The following PTPRT variants were observed in gnomAD, a reference collection of about 807,000 sequenced individuals.
PTPRT encodes the protein receptor-type tyrosine-protein phosphatase T.
PTPRT carries 56 observed loss-of-function variants against 176.8 expected under a neutral mutation model. The ratio of observed to expected loss-of-function variants is 0.32; its 90% CI spans 0.26 to 0.40. The LOEUF is 0.40. Among genes scored for constraint, PTPRT ranks in the 10% least tolerant of loss-of-function variants. The pLI is 1.00. For missense variants in PTPRT, 1,540 were observed against 1,908.2 expected (o/e 0.81, Z 3.60); for synonymous variants, 783 against 739.0 (o/e 1.06, Z -0.96).
intron 6 of PTPRT, among the ~76,000 whole-genome samples, chr20:42,690,716 G>C (rs952012454): frequency 1.3e-5 from 2 of 152,180 alleles, no homozygotes; most frequent in South Asian, 2.1e-4. Context: ...ACAAAGGGAA[G>C]TGAGGTGTAC....
intron 2 of PTPRT, among the ~76,000 whole-genome samples, chr20:42,814,078 G>T (rs1490811724): frequency 6.6e-6 from 1 of 152,082 alleles, no homozygotes; most frequent in African/African-American, 2.4e-5. Flanking sequence ...TTGGTATTGA[G>T]GAATCCCCAA....
chr20:42,560,444 T>A lies in PTPRT; in HGVS notation c.1154-87882A>T, dbSNP rs547895404. Among the ~76,000 whole-genome samples, 527 of 152,256 alleles carry A rather than the reference T, an allele frequency of 3.5e-3. 9 individuals are homozygous for A. Among genetic ancestry groups the A allele is most frequent in the African/African-American group, 0.012 (508 of 41,550 alleles). On this transcript the variant is annotated intron_variant, in intron 7 of 30. Transcript: ENST00000373187. Reference sequence around the variant, plus strand: ...TCTTGTCTTGTGTGTTGTTGGATATTTCAAAGCATTCCTGGCATCTACTCA... The same window carrying A: ...TCTTGTCTTGTGTGTTGTTGGATATATCAAAGCATTCCTGGCATCTACTCA...
At position 43,087,666 on chromosome 20, in the gene PTPRT, C is replaced by T. The variant is rs548744074; in HGVS notation, c.88+101980G>A. Among the ~76,000 whole-genome samples, 36 of 152,198 alleles carry T rather than the reference C, an allele frequency of 2.4e-4. 1 individual carries two copies. The highest frequency in any genetic ancestry group is 7.7e-4 in the African/African-American group (32 of 41,510). ...GGTGTGAGCCACTGCACCTTGCCCA[C>T]ATTGTTCTTTTCAGGGGCCTCTGAG... On this transcript the variant is annotated intron_variant, in intron 1 of 30. Transcript: ENST00000373187.
intron 13 of PTPRT, among the ~76,000 whole-genome samples, chr20:42,251,461 A>T (rs1600729589): frequency 6.6e-6 from 1 of 152,146 alleles, no homozygotes; most frequent in Non-Finnish European, 1.5e-5. Flanking sequence ...GGGGTAGGGG[A>T]ATATAATTAA....
At chr20:42,410,664 TATACCA>T (rs1368211927) in intron 9 of PTPRT, among the ~76,000 whole-genome samples, 34 of 152,212 alleles carry the variant, frequency 2.2e-4, no homozygotes, top group Admixed American at 9.8e-4. Context: ...AGATAGACCA[TATACCA>T]TACTATGAAA....
chr20:42,381,073 C>T (rs2058694449), intron 9 of PTPRT, among the ~76,000 whole-genome samples: 1 of 152,272 alleles, frequency 6.6e-6, no homozygotes, highest in South Asian at 2.1e-4. Context: ...ATCGGGACAA[C>T]AGCACCAAGG....
chr20:42,269,298 A>C (rs1459290292), intron 13 of PTPRT, among the ~76,000 whole-genome samples: 1 of 152,210 alleles, frequency 6.6e-6, no homozygotes, highest in Non-Finnish European at 1.5e-5. Flanking sequence ...GGGTGGCAGG[A>C]GTGAACTGTG....
chr20:42,828,818 G>A lies in PTPRT; in HGVS notation c.215-37352C>T, dbSNP rs1252738766. 4.6e-5 allele frequency among the ~76,000 whole-genome samples: 7 copies of A among 152,324 alleles called. No individual in the cohort carries two copies. The South Asian group carries it at 1.2e-3, about 27-fold the overall frequency. ...TTTCAAAGGATATATGGAAACACCTGGATGTCCAGGTAGAAGTTTGCTGCA... is the reference window on the plus strand; with the variant it reads ...TTTCAAAGGATATATGGAAACACCTAGATGTCCAGGTAGAAGTTTGCTGCA... On this transcript the variant is annotated intron_variant, in intron 2 of 30. Coordinates refer to ENST00000373187, the MANE Select transcript of PTPRT (RefSeq NM_007050.6).
chr20:42,140,489 A>G (rs915831169), intron 18 of PTPRT, among the ~76,000 whole-genome samples: 1 of 152,226 alleles, frequency 6.6e-6, no homozygotes, highest in Non-Finnish European at 1.5e-5. Context: ...TATGCATGAC[A>G]TTCAGTTCTG....
At chr20:42,706,219 A>ATG (rs2076057011) in intron 6 of PTPRT, among the ~76,000 whole-genome samples, 2 of 103,068 alleles carry the variant, frequency 1.9e-5, no homozygotes, top group Middle Eastern at 0.01. Flanking sequence ...GTGTGTGTGT[A>ATG]TGTGTGTGTG....
At chr20:43,039,962 G>T (rs188133010) in intron 1 of PTPRT, among the ~76,000 whole-genome samples, 14 of 151,966 alleles carry the variant, frequency 9.2e-5, no homozygotes, top group Non-Finnish European at 1.8e-4. Context: ...AATTGTTTGA[G>T]CCTGGGAGGC....
At chr20:42,621,396 C>G (rs950047480) in intron 7 of PTPRT, among the ~76,000 whole-genome samples, 1 of 152,232 alleles carries the variant, frequency 6.6e-6, no homozygotes, top group African/African-American at 2.4e-5. Context: ...GTCCCCACCA[C>G]ATAGCCAAAT....
At chr20:43,162,221 G>T (rs1157834184) in intron 1 of PTPRT, among the ~76,000 whole-genome samples, 1 of 152,136 alleles carries the variant, frequency 6.6e-6, no homozygotes, top group Non-Finnish European at 1.5e-5. Flanking sequence ...GCATTAGCTG[G>T]GATTGGAGAA....
chr20:43,000,111 G>A (rs1984478533), intron 1 of PTPRT, among the ~76,000 whole-genome samples: 1 of 149,638 alleles, frequency 6.7e-6, no homozygotes, highest in Non-Finnish European at 1.5e-5. Flanking sequence ...ATAAAAACCT[G>A]CCAAAGGAAA....
intron 17 of PTPRT, among the ~76,000 whole-genome samples, chr20:42,158,708 C>T (rs1989460786): frequency 6.6e-6 from 1 of 152,130 alleles, no homozygotes; most frequent in Admixed American, 6.5e-5. Flanking sequence ...TGACTTTTAT[C>T]AGGCAATATT....
At chr20:43,141,198 G>A (rs1190774799) in intron 1 of PTPRT, among the ~76,000 whole-genome samples, 1 of 152,220 alleles carries the variant, frequency 6.6e-6, no homozygotes, top group Non-Finnish European at 1.5e-5. Flanking sequence ...AGCTCTGGCT[G>A]TATAACAAGC....
chr20:42,153,603 C>T (rs971142646), intron 17 of PTPRT, among the ~76,000 whole-genome samples: 2 of 152,138 alleles, frequency 1.3e-5, no homozygotes, highest in Admixed American at 1.3e-4. Context: ...GAGTCTCTTC[C>T]CTTTTCCCTT....
At chr20:42,192,834 C>G (rs537800032) in intron 16 of PTPRT, among the ~76,000 whole-genome samples, 1 of 152,338 alleles carries the variant, frequency 6.6e-6, no homozygotes, top group East Asian at 1.9e-4. Context: ...GATGGGACTA[C>G]TGGTCTGCAG....
intron 7 of PTPRT, among the ~76,000 whole-genome samples, chr20:42,633,906 A>T (rs2074485428): frequency 1.4e-5 from 1 of 72,994 alleles, no homozygotes; most frequent in Non-Finnish European, 2.4e-5. Flanking sequence ...ATATAATATA[A>T]TATATAATTA....
Sources: allele counts gnomAD v4.1 joint callset (sites outside exome capture counted in the v4.1 genomes callset), GRCh38; gene constraint gnomAD v4.1.1; transcripts MANE v1.5; gene names NCBI Gene and HGNC (gene_info 2026-07-23, HGNC 2026-07-21).